The following FAM107B variants were observed in gnomAD, a reference collection of about 807,000 sequenced individuals.
The protein encoded by FAM107B is family with sequence similarity 107 member B.
A neutral mutation model predicts 31.5 loss-of-function variants in FAM107B; 21 were observed. That is an observed-to-expected ratio of 0.67 (90% confidence interval 0.47 to 0.96). FAM107B has a LOEUF of 0.96. Ranked by LOEUF, FAM107B falls within the 40% of genes least tolerant of loss-of-function variation. The pLI, the probability that FAM107B is intolerant of heterozygous loss-of-function variation, is 0.00. For synonymous variants in FAM107B, 157 were observed against 141.5 expected (o/e 1.11, Z -0.78); for missense variants, 452 against 377.1 (o/e 1.20, Z -1.64).
intron 3 of FAM107B, among the ~76,000 whole-genome samples, chr10:14,528,555 A>G (rs1846587683): frequency 6.6e-6 from 1 of 152,190 alleles, no homozygotes; most frequent in Admixed American, 6.5e-5. Flanking sequence ...AAGAGGGGAT[A>G]CCTTGGCCAA....
At chr10:14,703,039 A>G (rs919430151) in intron 1 of FAM107B, among the ~76,000 whole-genome samples, 6 of 143,732 alleles carry the variant, frequency 4.2e-5, no homozygotes, top group Admixed American at 7.2e-5. Flanking sequence ...TCCCCCACCC[A>G]TTCATTCTCC....
chr10:14,774,306 C>T lies in FAM107B; in HGVS notation c.358G>A (p.Ala120Thr), dbSNP rs1833370819. ...GGGATGGAAGCGTGAAACACCACTG[C>T]TTCACAGTCCGCCCCATCATCCAGG... ...GSLDDGADCE[A>T]VVFHASIPRP... is the part of the protein sequence containing the mutation. Residue 120 changes from alanine to threonine, a missense_variant, in exon 1 of 5, where the codon GCA becomes ACA. Coordinates refer to ENST00000181796, the MANE Select transcript of FAM107B (RefSeq NM_031453.4). 2 of 1,614,168 alleles carry T rather than the reference C, an allele frequency of 1.2e-6. No individual in the cohort carries two copies. Among genetic ancestry groups the T allele is most frequent in the Non-Finnish European group, 1.7e-6 (2 of 1,179,986 alleles).
intron 2 of FAM107B, among the ~76,000 whole-genome samples, chr10:14,582,620 GCC>G (rs1040453770): frequency 6.6e-6 from 1 of 151,328 alleles, no homozygotes; most frequent in African/African-American, 2.4e-5. Flanking sequence ...CTTGTGATCT[GCC>G]CCCCTCGGCC....
chr10:14,553,100 G>T (rs1345277524), intron 2 of FAM107B, among the ~76,000 whole-genome samples: 1 of 152,146 alleles, frequency 6.6e-6, no homozygotes, highest in Non-Finnish European at 1.5e-5. Context: ...TAATATTACT[G>T]ATAGTAAGAC....
At chr10:14,736,668 C>T (rs1320299872) in intron 1 of FAM107B, among the ~76,000 whole-genome samples, 5 of 152,204 alleles carry the variant, frequency 3.3e-5, no homozygotes, top group African/African-American at 1.2e-4. Context: ...TAAGTATAAA[C>T]ATCATAAATC....
intron 1 of FAM107B, among the ~76,000 whole-genome samples, chr10:14,686,934 T>C (rs1018667674): frequency 6.6e-6 from 1 of 152,268 alleles, no homozygotes; most frequent in Non-Finnish European, 1.5e-5. Context: ...AAAGCAATAT[T>C]ATTTTTGAAT....
At chr10:14,583,642 G>A (rs767538289) in intron 2 of FAM107B, among the ~76,000 whole-genome samples, 6 of 152,172 alleles carry the variant, frequency 3.9e-5, no homozygotes, top group African/African-American at 1.4e-4. Flanking sequence ...GGGTGGGGAC[G>A]GAGGAAGAAG....
chr10:14,600,260 C>T (rs780554437), intron 2 of FAM107B, among the ~76,000 whole-genome samples: 19 of 152,194 alleles, frequency 1.2e-4, no homozygotes, highest in Non-Finnish European at 2.5e-4. Flanking sequence ...GGCTACTGGC[C>T]ATGAGGTTTA....
intron 1 of FAM107B, among the ~76,000 whole-genome samples, chr10:14,677,379 C>T (rs1376680820): frequency 2.0e-5 from 3 of 152,094 alleles, no homozygotes; most frequent in South Asian, 2.1e-4. Flanking sequence ...CCCAGCACTT[C>T]GGGAGGCCGA....
chr10:14,530,656 T>G, intron 2 of FAM107B, 141 bp from the exon 3 acceptor site: 1 of 718,736 alleles, frequency 1.4e-6, no homozygotes, highest in African/African-American at 1.8e-5. Flanking sequence ...CTGATAAATA[T>G]TCTAAAGCGC....
intron 2 of FAM107B, among the ~76,000 whole-genome samples, chr10:14,530,721 G>A (rs1260702922): frequency 6.6e-6 from 1 of 152,168 alleles, no homozygotes; most frequent in African/African-American, 2.4e-5. Flanking sequence ...GTCTCGTCTT[G>A]CCCATGACTA....
chr10:14,677,421 A>T lies in FAM107B; in HGVS notation c.412-9730T>A, dbSNP rs536993481. Among the ~76,000 whole-genome samples the T allele has an allele frequency of 4.6e-4, 70 of 152,254 alleles. No homozygotes were observed. The South Asian group carries it at 0.014, about 30-fold the overall frequency. On this transcript the variant is annotated intron_variant, in intron 1 of 4. Transcript: ENST00000181796. ...CAGATCACGAGGTCAGGAGATTGAG[A>T]CCATCCTGGCTAACACACTGAAACC...
chr10:14,727,891 T>C (rs1290337193), intron 1 of FAM107B, among the ~76,000 whole-genome samples: 2 of 152,100 alleles, frequency 1.3e-5, no homozygotes, highest in Non-Finnish European at 1.5e-5. Flanking sequence ...TCTGTGTAGA[T>C]GGAAAAAAGA....
chr10:14,696,978 A>G (rs910893793), intron 1 of FAM107B, among the ~76,000 whole-genome samples: 6 of 152,038 alleles, frequency 3.9e-5, no homozygotes, highest in African/African-American at 1.4e-4. Flanking sequence ...CCCAACCCCC[A>G]CTACTACGCA....
chr10:14,739,662 C>G lies in FAM107B; in HGVS notation c.411+34591G>C, dbSNP rs1856391404. Among the ~76,000 whole-genome samples, 7 of 152,182 alleles carry G rather than the reference C, an allele frequency of 4.6e-5. No homozygotes were observed. In the South Asian group the frequency reaches 1.2e-3, roughly 27 times the overall value. ...ATGAGCGAATAAAGGGAAAATATTT[C>G]ATTTCCCAGACCACAAGAATTGTTT... On this transcript the variant is annotated intron_variant, in intron 1 of 4. Coordinates refer to ENST00000181796, the MANE Select transcript of FAM107B (RefSeq NM_031453.4).
intron 1 of FAM107B, among the ~76,000 whole-genome samples, chr10:14,705,859 C>T (rs1223301589): frequency 6.6e-6 from 1 of 152,058 alleles, no homozygotes; most frequent in African/African-American, 2.4e-5. Flanking sequence ...AAAACAGATG[C>T]CCTTTTGTCA....
intron 1 of FAM107B, among the ~76,000 whole-genome samples, chr10:14,696,499 G>T (rs2446479): frequency 6.6e-6 from 1 of 152,136 alleles, no homozygotes; most frequent in African/African-American, 2.4e-5. Flanking sequence ...GGCCTCATAA[G>T]ATGTGTTTGG....
intron 2 of FAM107B, among the ~76,000 whole-genome samples, chr10:14,638,044 G>A (rs748423841): frequency 1.1e-4 from 16 of 152,138 alleles, no homozygotes; most frequent in Non-Finnish European, 1.9e-4. Flanking sequence ...TAAGTTTGTG[G>A]TAATATGTGG....
In FAM107B at chr10:14,530,503, T is replaced by A; in HGVS notation, c.482A>T (p.Glu161Val). 1 of 1,611,420 alleles carries A rather than the reference T, an allele frequency of 6.2e-7. No individual in the cohort carries two copies. Among genetic ancestry groups the A allele is most frequent in the Non-Finnish European group, 8.5e-7 (1 of 1,179,468 alleles). Reference protein sequence around the residue: ...EQKMTSDSPPEDIDHKDSYLI... With the variant: ...EQKMTSDSPPVDIDHKDSYLI... ...ATATGAGTCCTTATGGTCAATATCC[T>A]CAGGTGGGCTGTCTGAAAGAGAAAG... Residue 161 changes from glutamate to valine, a missense_variant, in exon 3 of 5, where the codon GAG becomes GTG. Glu to Val is a moderately radical substitution (Grantham distance 121). Transcript: ENST00000181796.
Sources: gnomAD v4.1 joint callset for allele counts (sites outside exome capture counted in the v4.1 genomes callset) on GRCh38, gnomAD v4.1.1 for gene constraint, MANE v1.5 for transcripts, NCBI Gene and HGNC (gene_info 2026-07-23, HGNC 2026-07-21) for gene names.